The following GARRE1 variants were observed in gnomAD, a reference collection of about 807,000 sequenced individuals.
The protein encoded by GARRE1 is granule associated Rac and RHOG effector 1.
A neutral mutation model predicts 103.2 loss-of-function variants in GARRE1; 49 were observed. That is an observed-to-expected ratio of 0.47 (90% CI 0.38 to 0.60). The LOEUF (loss-of-function observed/expected upper bound fraction) is 0.60. GARRE1 is among the 20% of genes least tolerant of loss of function. The probability of loss-of-function intolerance (pLI) is 0.00; values close to 1 mark genes in which losing one functional copy is unlikely to be tolerated. For synonymous variants in GARRE1, 505 were observed against 532.8 expected, an observed-to-expected ratio of 0.95 and a Z score of 0.72; for missense variants, 1,199 against 1,370.5, an observed-to-expected ratio of 0.87 and a Z score of 1.98.
intron 7 of GARRE1, among the ~76,000 whole-genome samples, chr19:34,330,901 ATTT>A (rs35469834): frequency 6.5e-5 from 9 of 138,406 alleles, no homozygotes; most frequent in Admixed American, 2.2e-4. Flanking sequence ...CATCTGGCTA[ATTT>A]TTTTTTTTTT....
chr19:34,342,243 C>T lies in GARRE1; in HGVS notation c.2309C>T (p.Ala770Val). ...SSQQPAQAVG[A>V]GLSPLGQWPG... ...CAGCAGCCAGCGCAGGCTGTTGGAG[C>T]AGGTCTGTCTCCTCTTGGTCAGTGG... The change falls in exon 10 of 14, where the codon GCA becomes GTA. Residue 770 changes from alanine to valine, a missense_variant. Ala to Val is a moderately conservative substitution (Grantham distance 64, BLOSUM62 0). Transcript: ENST00000299505. The T allele has an allele frequency of 6.2e-7, 1 of 1,614,230 alleles. No homozygotes were observed. The highest frequency in any genetic ancestry group is 8.5e-7 in the Non-Finnish European group (1 of 1,180,040).
intron 1 of GARRE1, among the ~76,000 whole-genome samples, chr19:34,289,593 G>T (rs149959675): frequency 6.6e-6 from 1 of 151,680 alleles, no homozygotes; most frequent in Admixed American, 6.6e-5. Flanking sequence ...GTGTGGTGGC[G>T]CGTGTCTGTT....
chr19:34,315,721 AAAAAAAAAAAAG>A (rs1181750317), intron 2 of GARRE1, among the ~76,000 whole-genome samples: 1 of 151,674 alleles, frequency 6.6e-6, no homozygotes, highest in Non-Finnish European at 1.5e-5. Context: ...AAAAAAAAAA[AAAAAAAAAAAAG>A]GGTAGTTTTT....
At chr19:34,301,513 C>CAAAAAAAAAAAAA (rs57777660) in intron 2 of GARRE1, among the ~76,000 whole-genome samples, 1 of 85,402 alleles carries the variant, frequency 1.2e-5, no homozygotes, top group Non-Finnish European at 2.2e-5. Context: ...GACCATGTCT[C>CAAAAAAAAAAAAA]AAAAAAAAAA....
chr19:34,313,957 C>A (rs569779667), intron 2 of GARRE1, among the ~76,000 whole-genome samples: 1 of 152,104 alleles, frequency 6.6e-6, no homozygotes, highest in Non-Finnish European at 1.5e-5. Context: ...TGCACCACCA[C>A]GCCCGGCTGA....
chr19:34,325,993 G>A (rs553890262), intron 3 of GARRE1, among the ~76,000 whole-genome samples: 5 of 152,192 alleles, frequency 3.3e-5, no homozygotes, highest in South Asian at 2.1e-4. Context: ...TTTGTTTCCC[G>A]CAGTGTTTTT....
At chr19:34,329,934 T>C (rs963815367) in intron 6 of GARRE1, among the ~76,000 whole-genome samples, 1 of 152,038 alleles carries the variant, frequency 6.6e-6, no homozygotes, top group African/African-American at 2.4e-5. Flanking sequence ...AAAAATTAGC[T>C]GAGTGTGGTG....
chr19:34,327,290 A>G (rs1048726478), intron 3 of GARRE1, 131 bp from the exon 4 acceptor site: 4 of 814,418 alleles, frequency 4.9e-6, no homozygotes, highest in Non-Finnish European at 7.6e-6. Context: ...TAGAACTTCT[A>G]GTTTATTTGC....
In GARRE1 at chr19:34,338,081, A is replaced by G. The variant is rs2074169092; in HGVS notation, c.1362-1786A>G. Among the ~76,000 whole-genome samples, 6 of 152,174 alleles carry G rather than the reference A, an allele frequency of 3.9e-5. No homozygotes were observed. The South Asian group carries it at 1.0e-3, about 26-fold the overall frequency. On this transcript the variant is annotated intron_variant, in intron 8 of 13. Transcript: ENST00000299505. ...TGGCCGGCTCTCATTTCATTCTCTG[A>G]TATATTTCTTCCCAAGTCAAAGTCA...
chr19:34,341,398 T>G, intron 9 of GARRE1, 24 bp from the exon 10 acceptor site: 2 of 1,577,152 alleles, frequency 1.3e-6, no homozygotes, highest in Non-Finnish European at 1.7e-6. Context: ...TTTTTTTTTT[T>G]TAAACAAATT....
chr19:34,273,076 C>T (rs183171855), intron 1 of GARRE1, among the ~76,000 whole-genome samples: 1 of 152,230 alleles, frequency 6.6e-6, no homozygotes, highest in East Asian at 1.9e-4. Context: ...GTGACGCACA[C>T]CTGTACTCCC....
intron 2 of GARRE1, among the ~76,000 whole-genome samples, chr19:34,313,242 G>A (rs1207460194): frequency 6.6e-6 from 1 of 152,204 alleles, no homozygotes; most frequent in Non-Finnish European, 1.5e-5. Flanking sequence ...AAGGAAGAGC[G>A]TAGCTGGAGA....
chr19:34,334,006 A>G (rs1178856272), intron 8 of GARRE1, among the ~76,000 whole-genome samples: 2 of 152,222 alleles, frequency 1.3e-5, no homozygotes, highest in East Asian at 1.9e-4. Flanking sequence ...GGTCTGAAAA[A>G]TGGTCTCATT....
intron 1 of GARRE1, among the ~76,000 whole-genome samples, chr19:34,280,530 C>T (rs1337823067): frequency 6.6e-6 from 1 of 151,894 alleles, no homozygotes; most frequent in Non-Finnish European, 1.5e-5. Context: ...TTGTAATGTC[C>T]TTTGATGCCT....
intron 1 of GARRE1, among the ~76,000 whole-genome samples, chr19:34,293,714 A>AC: frequency 5.1e-5 from 3 of 58,810 alleles, no homozygotes; most frequent in African/African-American, 1.7e-4. Context: ...ATAAACATAT[A>AC]AACACACACA....
chr19:34,300,533 C>T lies in GARRE1; in HGVS notation c.60C>T (p.Gly20=), dbSNP rs558834376. The T allele has an allele frequency of 2.1e-4, 340 of 1,612,930 alleles. 3 individuals are homozygous for T. The South Asian group carries it at 3.5e-3, about 17-fold the overall frequency. The change falls in exon 2 of 14, where the codon GGC becomes GGT. Residue 20 remains glycine, a synonymous_variant. Transcript: ENST00000299505. ...KMDYKRRFLL[G]GSKQKVQQHQ... ...ACTACAAGCGGCGCTTCCTGCTTGG[C>T]GGGTCCAAGCAGAAGGTGCAGCAGC...
At chr19:34,307,821 T>A (rs1198567558) in intron 2 of GARRE1, among the ~76,000 whole-genome samples, 8 of 135,142 alleles carry the variant, frequency 5.9e-5, no homozygotes, top group African/African-American at 1.6e-4. Flanking sequence ...TATATTTTTT[T>A]TTTTTTTTAG....
intron 1 of GARRE1, among the ~76,000 whole-genome samples, chr19:34,289,809 G>T (rs1489262246): frequency 6.6e-6 from 1 of 152,150 alleles, no homozygotes; most frequent in African/African-American, 2.4e-5. Context: ...CTGTCTGCCA[G>T]TTTGAAGTTC....
chr19:34,303,787 T>C (rs980804427), intron 2 of GARRE1, among the ~76,000 whole-genome samples: 3 of 152,162 alleles, frequency 2.0e-5, no homozygotes, highest in Admixed American at 1.3e-4. Flanking sequence ...GGCTAATTTT[T>C]GTATTTTTAG....
Sources: gnomAD v4.1 joint callset for allele counts (sites outside exome capture counted in the v4.1 genomes callset) on GRCh38, gnomAD v4.1.1 for gene constraint, MANE v1.5 for transcripts, NCBI Gene and HGNC (gene_info 2026-07-23, HGNC 2026-07-21) for gene names.